Variants in UVRAG observed in about 807,000 individuals in gnomAD.
UVRAG encodes UV radiation resistance associated, also known as UV radiation resistance-associated gene protein.
Under a neutral mutation model 78.0 loss-of-function variants are expected in UVRAG, and 19 were observed. That is an observed-to-expected ratio of 0.24 (90% confidence interval 0.17 to 0.36). UVRAG has a LOEUF of 0.36. Among genes scored for constraint, UVRAG ranks in the 10% least tolerant of loss-of-function variants. The pLI is 1.00. For synonymous variants in UVRAG, 323 were observed against 324.6 expected (o/e 1.00, Z 0.05); for missense variants, 740 against 853.8 (o/e 0.87, Z 1.66).
intron 13 of UVRAG, among the ~76,000 whole-genome samples, chr11:76,073,644 T>C (rs1951355427): frequency 6.6e-6 from 1 of 152,174 alleles, no homozygotes; most frequent in Non-Finnish European, 1.5e-5. Context: ...CATTGTATAA[T>C]GCTATGAAAT....
In UVRAG at chr11:76,126,150, C is replaced by A. The variant is rs534587818; in HGVS notation, c.1397+10135C>A. Among the ~76,000 whole-genome samples, 433 of 152,048 alleles carry A rather than the reference C, an allele frequency of 2.8e-3. 2 individuals are homozygous for A. The highest frequency in any genetic ancestry group is 6.8e-3 in the Middle Eastern group (2 of 294). ...TAGAGACGGGGTTTCACCATGTTAG[C>A]CAGGATGGTCTCGATCTCCTGACCT... On this transcript the variant is annotated intron_variant, in intron 14 of 14. Coordinates refer to ENST00000356136, the MANE Select transcript of UVRAG (RefSeq NM_003369.4).
At chr11:76,010,094 T>G (rs1950023625) in intron 11 of UVRAG, among the ~76,000 whole-genome samples, 1 of 152,198 alleles carries the variant, frequency 6.6e-6, no homozygotes, top group African/African-American at 2.4e-5. Context: ...CTGTAAGACA[T>G]TCACAAAAAT....
chr11:75,938,098 CAT>C (rs1047827705), intron 6 of UVRAG, among the ~76,000 whole-genome samples: 197 of 151,376 alleles, frequency 1.3e-3, no homozygotes, highest in African/African-American at 4.7e-3. Flanking sequence ...CACACACACA[CAT>C]ATATATATTT....
intron 14 of UVRAG, among the ~76,000 whole-genome samples, chr11:76,138,758 C>T (rs1271281277): frequency 6.6e-6 from 1 of 152,228 alleles, no homozygotes; most frequent in Non-Finnish European, 1.5e-5. Flanking sequence ...GGTGCTTCCA[C>T]CCCTCGTGGG....
intron 14 of UVRAG, among the ~76,000 whole-genome samples, chr11:76,124,352 A>ATC (rs1203299793): frequency 7.2e-5 from 11 of 152,352 alleles, no homozygotes; most frequent in African/African-American, 2.2e-4. Context: ...TTAGTTTATA[A>ATC]TCTAAATTAT....
At chr11:76,093,227 T>A (rs1468722416) in intron 13 of UVRAG, among the ~76,000 whole-genome samples, 1 of 152,068 alleles carries the variant, frequency 6.6e-6, no homozygotes, top group Non-Finnish European at 1.5e-5. Context: ...CATGCTGTTT[T>A]GGTACCAGTA....
chr11:76,079,935 A>G (rs1232651919), intron 13 of UVRAG, among the ~76,000 whole-genome samples: 1 of 152,188 alleles, frequency 6.6e-6, no homozygotes, highest in Non-Finnish European at 1.5e-5. Flanking sequence ...GGTAATTAAT[A>G]AAGAAAAGAG....
At chr11:75,877,160 T>TG (rs555148839) in intron 3 of UVRAG, among the ~76,000 whole-genome samples, 4 of 151,830 alleles carry the variant, frequency 2.6e-5, no homozygotes, top group South Asian at 2.1e-4. Context: ...AGCACAGGGT[T>TG]GGGGGGTAAG....
intron 2 of UVRAG, among the ~76,000 whole-genome samples, chr11:75,857,671 G>A (rs988119855): frequency 2.0e-5 from 3 of 151,988 alleles, no homozygotes; most frequent in African/African-American, 4.8e-5. Flanking sequence ...TGTAGTTTTA[G>A]TAGAGATGGG....
At chr11:76,050,927 AC>A (rs1792734221) in intron 12 of UVRAG, among the ~76,000 whole-genome samples, 1 of 152,198 alleles carries the variant, frequency 6.6e-6, no homozygotes, top group Non-Finnish European at 1.5e-5. Context: ...CAAAGCCTTA[AC>A]TTATTGTACC....
chr11:75,993,193 G>A (rs1949645388), intron 8 of UVRAG, among the ~76,000 whole-genome samples: 1 of 152,174 alleles, frequency 6.6e-6, no homozygotes, highest in Non-Finnish European at 1.5e-5. Context: ...GAAGAAACCA[G>A]GTGCTTATAT....
chr11:75,943,201 C>A (rs865863448), intron 6 of UVRAG, among the ~76,000 whole-genome samples: 3 of 152,146 alleles, frequency 2.0e-5, no homozygotes, highest in African/African-American at 7.2e-5. Flanking sequence ...ACTTTGGTAG[C>A]GTTTTTAGTT....
chr11:76,122,454 G>T (rs1490464185), intron 14 of UVRAG, among the ~76,000 whole-genome samples: 1 of 152,172 alleles, frequency 6.6e-6, no homozygotes, highest in Non-Finnish European at 1.5e-5. Context: ...TAAAATGAGG[G>T]TAATAGTGCG....
At chr11:76,069,838 C>A (rs939121181) in intron 13 of UVRAG, among the ~76,000 whole-genome samples, 1 of 152,024 alleles carries the variant, frequency 6.6e-6, no homozygotes, top group African/African-American at 2.4e-5. Flanking sequence ...ATATTTCCAT[C>A]CTTAAAGTGC....
At chr11:75,929,676 A>G (rs1447725765) in intron 6 of UVRAG, among the ~76,000 whole-genome samples, 2 of 152,202 alleles carry the variant, frequency 1.3e-5, no homozygotes, top group East Asian at 3.8e-4. Context: ...ATTATTCTGT[A>G]TCCCTCCATA....
chr11:75,818,481 A>ATTT (rs113579187), intron 1 of UVRAG, among the ~76,000 whole-genome samples: 2 of 143,118 alleles, frequency 1.4e-5, no homozygotes, highest in African/African-American at 2.6e-5. Context: ...CAAGGTATCA[A>ATTT]TTTTTTTTTT....
At chr11:76,031,514 T>C (rs1182064474) in intron 12 of UVRAG, among the ~76,000 whole-genome samples, 1 of 152,308 alleles carries the variant, frequency 6.6e-6, no homozygotes, top group East Asian at 1.9e-4. Flanking sequence ...GCTGATGTTA[T>C]TATCTGGATG....
At position 76,098,064 on chromosome 11, in the gene UVRAG, T is replaced by G. The variant is rs200268156; in HGVS notation, c.1306-17860T>G. 2.2e-3 allele frequency among the ~76,000 whole-genome samples: 330 copies of G among 152,226 alleles called. 1 individual carries two copies. Among genetic ancestry groups the G allele is most frequent in the Non-Finnish European group, 2.4e-3 (166 of 67,998 alleles). On this transcript the variant is annotated intron_variant, in intron 13 of 14. Transcript: ENST00000356136. ...ATGGTTTTTGTTTGTTTGTTTGTTT[T>G]TTTGTTTTTTTGGTGAGTCTTATCT... is the stretch of plus-strand genomic sequence containing the variant.
Position 76,073,171 on chromosome 11 carries a change from G to A in UVRAG, c.1305+7383G>A, listed in dbSNP as rs1043110418. Among the ~76,000 whole-genome samples, 4 of 152,132 alleles carry A rather than the reference G, an allele frequency of 2.6e-5. No homozygotes were observed. In the South Asian group the frequency reaches 8.3e-4, roughly 31 times the overall value. ...TTATATTAAATCATGACCCCTGAGT[G>A]CACACCTTCTTAATATTCTGTGTGT... On this transcript the variant is annotated intron_variant, in intron 13 of 14. Coordinates refer to ENST00000356136, the MANE Select transcript of UVRAG (RefSeq NM_003369.4).
Sources: gnomAD v4.1 joint callset for allele counts (sites outside exome capture counted in the v4.1 genomes callset) on GRCh38, gnomAD v4.1.1 for gene constraint, MANE v1.5 for transcripts, NCBI Gene and HGNC (gene_info 2026-07-23, HGNC 2026-07-21) for gene names.